SEMA5A: variants seen among roughly 807,000 people sequenced by gnomAD.
SEMA5A encodes semaphorin 5A.
Under a neutral mutation model 135.5 loss-of-function variants are expected in SEMA5A, and 55 were observed. The observed-to-expected ratio is 0.41, with a 90% confidence interval of 0.33 to 0.51. SEMA5A has a LOEUF of 0.51. Ranked by LOEUF, SEMA5A falls within the 20% of genes least tolerant of loss-of-function variation. The pLI is 0.37. For synonymous variants in SEMA5A, 580 were observed against 546.5 expected (o/e 1.06, Z -0.85); for missense variants, 1,290 against 1,419.9 (o/e 0.91, Z 1.47).
chr5:9,472,384 C>T (rs1402823348), intron 1 of SEMA5A, among the ~76,000 whole-genome samples: 1 of 152,182 alleles, frequency 6.6e-6, no homozygotes, highest in Non-Finnish European at 1.5e-5. Flanking sequence ...CATTACCTGA[C>T]TTTGGAAATC....
intron 5 of SEMA5A, chr5:9,280,724 T>C: frequency 3.8e-6 from 1 of 261,700 alleles, no homozygotes; most frequent in South Asian, 3.6e-5. Flanking sequence ...AATTTTTACA[T>C]GGAGGACTCT....
In SEMA5A at chr5:9,235,497, T is replaced by C. The variant is rs142853195; in HGVS notation, c.333+2331A>G. On this transcript the variant is annotated intron_variant, in intron 6 of 22. Transcript: ENST00000382496. ...TAAATTAAAGTTCACTACCCTGGTA[T>C]GGGCTTCTCATGTTCATTCAGTCAT... is the stretch of plus-strand genomic sequence containing the variant. 3.3e-3 allele frequency among the ~76,000 whole-genome samples: 508 copies of C among 152,306 alleles called. 3 individuals are homozygous for C. Among genetic ancestry groups the C allele is most frequent in the African/African-American group, 0.012 (479 of 41,560 alleles).
At chr5:9,211,951 A>T (rs1010544193) in intron 8 of SEMA5A, among the ~76,000 whole-genome samples, 3 of 152,228 alleles carry the variant, frequency 2.0e-5, no homozygotes, top group African/African-American at 7.2e-5. Context: ...AATCTCAGAG[A>T]CTGCAGGACA....
chr5:9,257,964 C>T (rs988000939), intron 5 of SEMA5A, among the ~76,000 whole-genome samples: 10 of 152,048 alleles, frequency 6.6e-5, no homozygotes, highest in Admixed American at 5.9e-4. Context: ...TTCCTTCCTT[C>T]GAGGCTATAG....
At chr5:9,383,073 A>G (rs1292440240) in intron 2 of SEMA5A, among the ~76,000 whole-genome samples, 1 of 152,254 alleles carries the variant, frequency 6.6e-6, no homozygotes, top group Non-Finnish European at 1.5e-5. Context: ...ATCCCTGCCC[A>G]AGCACAGAGC....
intron 1 of SEMA5A, among the ~76,000 whole-genome samples, chr5:9,452,627 G>A (rs575855848): frequency 4.6e-5 from 7 of 152,154 alleles, no homozygotes; most frequent in African/African-American, 1.7e-4. Flanking sequence ...TTTTAATCCA[G>A]ACCAAACAAA....
At chr5:9,340,040 A>G (rs1036253279) in intron 3 of SEMA5A, among the ~76,000 whole-genome samples, 1 of 151,280 alleles carries the variant, frequency 6.6e-6, no homozygotes, top group Non-Finnish European at 1.5e-5. Flanking sequence ...TGAGACAGGC[A>G]TCAGAGTTTG....
At chr5:9,134,301 A>C (rs1482898340) in intron 13 of SEMA5A, among the ~76,000 whole-genome samples, 1 of 152,080 alleles carries the variant, frequency 6.6e-6, no homozygotes. Context: ...ATGCACCATC[A>C]TGCCTAATTA....
At chr5:9,399,576 A>G (rs980695231) in intron 2 of SEMA5A, among the ~76,000 whole-genome samples, 2 of 152,192 alleles carry the variant, frequency 1.3e-5, no homozygotes, top group African/African-American at 4.8e-5. Context: ...TGTATGAAAA[A>G]TTATGAAAAA....
intron 5 of SEMA5A, among the ~76,000 whole-genome samples, chr5:9,239,540 C>A (rs1244974774): frequency 6.6e-6 from 1 of 152,072 alleles, no homozygotes; most frequent in African/African-American, 2.4e-5. Context: ...TTTCTTAGAT[C>A]TCTTTACAAA....
At chr5:9,427,496 T>G (rs780675423) in intron 2 of SEMA5A, among the ~76,000 whole-genome samples, 12 of 152,218 alleles carry the variant, frequency 7.9e-5, no homozygotes, top group Non-Finnish European at 1.5e-4. Flanking sequence ...TGATGAGGTT[T>G]CAGCCTGAGA....
chr5:9,063,049 C>G lies in SEMA5A; in HGVS notation c.2356G>C (p.Ala786Pro). ...GACCACGACGTCCAGGCTGACCAAG[C>G]CCCGTTGACCGTGTGGGCAGAGTAT... is the stretch of plus-strand genomic sequence containing the variant. ...GRYSAHTVNG[A>P]WSAWTSWSQC... Residue 786 changes from alanine to proline, a missense_variant, in exon 18 of 23, where the codon GCT becomes CCT. Ala to Pro is a conservative substitution (Grantham distance 27). Around this residue, in one of 3 missense-constraint regions of SEMA5A, gnomAD observed 1,029 missense variants for 1,086.6 expected, o/e 0.95. Coordinates refer to ENST00000382496, the MANE Select transcript of SEMA5A (RefSeq NM_003966.3). The G allele has an allele frequency of 6.2e-7, 1 of 1,614,202 alleles. No homozygotes were observed. Among genetic ancestry groups the G allele is most frequent in the Non-Finnish European group, 8.5e-7 (1 of 1,180,026 alleles).
At chr5:9,364,171 CAT>C (rs961437199) in intron 3 of SEMA5A, among the ~76,000 whole-genome samples, 14 of 152,160 alleles carry the variant, frequency 9.2e-5, no homozygotes, top group African/African-American at 3.4e-4. Context: ...TTATTATTTT[CAT>C]ATGTTCTTTC....
intron 4 of SEMA5A, among the ~76,000 whole-genome samples, chr5:9,322,547 TTGG>T (rs1752676277): frequency 6.6e-6 from 1 of 152,138 alleles, no homozygotes; most frequent in Non-Finnish European, 1.5e-5. Flanking sequence ...AAGATAAAAA[TTGG>T]TGATTATTTT....
chr5:9,410,793 A>G (rs1349240982), intron 2 of SEMA5A, among the ~76,000 whole-genome samples: 1 of 152,066 alleles, frequency 6.6e-6, no homozygotes, highest in Admixed American at 6.6e-5. Flanking sequence ...CTGTGCAACA[A>G]ACCTGCACAT....
At chr5:9,282,600 A>G (rs1022083001) in intron 5 of SEMA5A, among the ~76,000 whole-genome samples, 1 of 152,208 alleles carries the variant, frequency 6.6e-6, no homozygotes, top group Non-Finnish European at 1.5e-5. Flanking sequence ...TTTCTAGAAA[A>G]TAAGAAAAAA....
intron 5 of SEMA5A, among the ~76,000 whole-genome samples, chr5:9,309,265 G>A (rs1418280042): frequency 1.3e-5 from 2 of 152,200 alleles, no homozygotes; most frequent in Non-Finnish European, 2.9e-5. Context: ...CTGTTGGTAC[G>A]TAGCAAAAAA....
chr5:9,055,782 A>T (rs954830747), intron 18 of SEMA5A, among the ~76,000 whole-genome samples: 2 of 152,182 alleles, frequency 1.3e-5, no homozygotes, highest in African/African-American at 4.8e-5. Flanking sequence ...GTTATACGGT[A>T]TATCAGACAG....
intron 1 of SEMA5A, among the ~76,000 whole-genome samples, chr5:9,506,253 G>A (rs1257113130): frequency 6.6e-6 from 1 of 152,188 alleles, no homozygotes; most frequent in Non-Finnish European, 1.5e-5. Context: ...TTGGTGAGGA[G>A]TTGCTAAAGT....
Sources: gnomAD v4.1 joint callset for allele counts (sites outside exome capture counted in the v4.1 genomes callset) on GRCh38, gnomAD v4.1.1 for gene constraint, gnomAD v4.1.1 regional missense constraint, MANE v1.5 for transcripts, NCBI Gene and HGNC (gene_info 2026-07-23, HGNC 2026-07-21) for gene names.